DCAF12L1: variants seen among roughly 807,000 people sequenced by gnomAD.
DCAF12L1 encodes DDB1 and CUL4 associated factor 12 like 1, also known as DDB1- and CUL4-associated factor 12-like protein 1.
For synonymous variants in DCAF12L1, 218 were observed against 196.4 expected, an observed-to-expected ratio of 1.11 and a Z score of -0.92; for missense variants, 251 against 409.2, an observed-to-expected ratio of 0.61 and a Z score of 3.34.
rs372305513 is a variant in DCAF12L1, at chrX:126,551,574, A to G, written c.1035T>C (p.Cys345=). ...RQDQQNIRPL[C]SREGGTGVRS... ...GCACGCCTGTGCCACCCTCTCGAGA[A>G]CACAGGGGCCGGATGTTCTGCTGGT... The change falls in exon 1 of 2, where the codon TGT becomes TGC. Residue 345 remains cysteine, a synonymous_variant. Transcript: ENST00000371126. The G allele has an allele frequency of 2.3e-5, 28 of 1,209,705 alleles. No individual in the cohort carries two copies. The Admixed American group carries it at 2.4e-4, about 10-fold the overall frequency.
rs2147231089 is a variant in DCAF12L1, at chrX:126,552,670, G to C, written c.-62C>G. The C allele has an allele frequency of 8.6e-7, 1 of 1,169,534 alleles. No individual in the cohort carries two copies. The highest frequency in any genetic ancestry group is 1.9e-5 in the South Asian group (1 of 51,727). ...GTGGCGGTTGCAGCGCGTGGCTCCG[G>C]AGTCGGTCGTGGCGGCGGCGTGGAT... On this transcript the variant is annotated 5_prime_UTR_variant, in exon 1 of 2. Coordinates refer to ENST00000371126, the MANE Select transcript of DCAF12L1 (RefSeq NM_178470.5).
chrX:126,552,463 C>CTAT lies in DCAF12L1; in HGVS notation c.145_146insATA (p.Arg49delinsHisSer). 1 of 1,210,569 alleles carries CTAT rather than the reference C, an allele frequency of 8.3e-7. No homozygotes were observed. Among genetic ancestry groups the CTAT allele is most frequent in the East Asian group, 3.0e-5 (1 of 33,800 alleles). ...AACCTTCAGATAGTGCGCCATCGAG[C>CTAT]GATACGTCGCCGGCCGCCTCTGCCT... On this transcript the variant is annotated protein_altering_variant, in exon 1 of 2. Coordinates refer to ENST00000371126, the MANE Select transcript of DCAF12L1 (RefSeq NM_178470.5).
chrX:126,549,918 C>G lies in DCAF12L1; in HGVS notation c.*1212G>C, dbSNP rs775398056. The G allele has an allele frequency of 3.5e-4, 39 of 112,282 alleles. No individual in the cohort carries two copies. The highest frequency in any genetic ancestry group is 1.2e-3 in the African/African-American group (37 of 30,954). The allele number at this position is 112,282 out of a possible 1,213,427, so 9.3% of individuals were successfully genotyped here. On this transcript the variant is annotated 3_prime_UTR_variant, in exon 2 of 2. Transcript: ENST00000371126. ...ATAGCAGTCCACAATTTATATTTAT[C>G]TGCGCTCCAATATACTTTTCTTCAA...
Position 126,552,579 on chromosome X carries a change from T to C in DCAF12L1, c.30A>G (p.Lys10=), listed in dbSNP as rs781325028. The C allele has an allele frequency of 1.7e-6, 2 of 1,206,889 alleles. No homozygotes were observed. Among genetic ancestry groups the C allele is most frequent in the Admixed American group, 2.2e-5 (1 of 46,041 alleles). MAQQQTGSR[K]RKAPAVEADA... ...CCGCCTCGACCGCGGGCGCTTTCCG[T>C]TTCCTGCTACCTGTTTGCTGCTGGG... Residue 10 remains lysine, a synonymous_variant, in exon 1 of 2, where the codon AAA becomes AAG. Transcript: ENST00000371126.
chrX:126,552,732 C>T lies in DCAF12L1; in HGVS notation c.-124G>A. 1 of 1,043,996 alleles carries T rather than the reference C, an allele frequency of 9.6e-7. No individual in the cohort carries two copies. Among genetic ancestry groups the T allele is most frequent in the Non-Finnish European group, 1.3e-6 (1 of 796,471 alleles). 86.0% of individuals were successfully genotyped at this position (1,043,996 alleles called of 1,213,427 possible). ...AACCGAGCCTTCGGATTCTGAGGCG[C>T]GGCAGTGGCGGACCGGGTGAGGGAC... On this transcript the variant is annotated 5_prime_UTR_variant, in exon 1 of 2. Transcript: ENST00000371126.
Position 126,552,675 on chromosome X carries a change from G to T in DCAF12L1, c.-67C>A. 8.6e-7 allele frequency: 1 copy of T among 1,160,886 alleles called. No individual in the cohort carries two copies. The highest frequency in any genetic ancestry group is 1.1e-6 in the Non-Finnish European group (1 of 875,985). On this transcript the variant is annotated 5_prime_UTR_variant, in exon 1 of 2. Coordinates refer to ENST00000371126, the MANE Select transcript of DCAF12L1 (RefSeq NM_178470.5). ...GGTTGCAGCGCGTGGCTCCGGAGTC[G>T]GTCGTGGCGGCGGCGTGGATGGCTG...
rs1569420687 is a variant in DCAF12L1 at position 126,551,708 on chromosome X, T to C, written c.901A>G (p.Ile301Val). The change falls in exon 1 of 2, where the codon ATC becomes GTC. Residue 301 changes from isoleucine (I) to valine (V), a missense_variant. Coordinates refer to ENST00000371126, the MANE Select transcript of DCAF12L1 (RefSeq NM_178470.5). ...TTATCCCGGAAGTAGGGCAGCCTGA[T>C]GGACAGCAGCCTGGATAGTGCGCTC... Reference protein sequence around the residue: ...AGSALSRLLSIRLPYFRDNVC... With the variant: ...AGSALSRLLSVRLPYFRDNVC... 7 of 1,210,806 alleles carry C rather than the reference T, an allele frequency of 5.8e-6. No homozygotes were observed. The highest frequency in any genetic ancestry group is 7.8e-6 in the Non-Finnish European group (7 of 895,397).
Position 126,551,462 on chromosome X carries a change from G to A in DCAF12L1, c.1147C>T (p.Leu383=). Residue 383 remains leucine, a synonymous_variant, in exon 1 of 2, where the codon CTG becomes TTG. Coordinates refer to ENST00000371126, the MANE Select transcript of DCAF12L1 (RefSeq NM_178470.5). ...LFYDVRAQKF[L]EERASATLES... is the part of the protein sequence containing the mutation. ...AGGGTGGCGGAGGCTCTTTCCTCCA[G>A]GAATTTCTGGGCCCGGACGTCATAG... The A allele has an allele frequency of 1.7e-6, 2 of 1,211,851 alleles. No individual in the cohort carries two copies. The highest frequency in any genetic ancestry group is 2.2e-6 in the Non-Finnish European group (2 of 895,555).
Position 126,551,054 on chromosome X carries a change from G to C in DCAF12L1, c.*76C>G. 3.6e-6 allele frequency: 2 copies of C among 562,629 alleles called. No homozygotes were observed. Among genetic ancestry groups the C allele is most frequent in the South Asian group, 9.7e-5 (2 of 20,588 alleles). 46.4% of individuals were successfully genotyped at this position (562,629 alleles called of 1,213,427 possible). On this transcript the variant is annotated 3_prime_UTR_variant, in exon 2 of 2. Transcript: ENST00000371126. The stretch of plus-strand genomic sequence containing the variant: ...AAAGCCAAGTTTTCATTGACCAAAG[G>C]ACCACTCACTCTCTCTGCTTGGAGG...
rs1297163487 is a variant in DCAF12L1, at chrX:126,552,753, G to T, written c.-145C>A. ...GGCGCGGCAGTGGCGGACCGGGTGA[G>T]GGACGCGCGGGAGAGGGCGGCGGTG... On this transcript the variant is annotated 5_prime_UTR_variant, in exon 1 of 2. Coordinates refer to ENST00000371126, the MANE Select transcript of DCAF12L1 (RefSeq NM_178470.5). The T allele has an allele frequency of 2.1e-6, 2 of 957,870 alleles. No individual in the cohort carries two copies. The allele number at this position is 957,870 out of a possible 1,213,427, so 78.9% of individuals were successfully genotyped here.
At position 126,551,757 on chromosome X, in the gene DCAF12L1, G is replaced by C. The variant is rs1326347434; in HGVS notation, c.852C>G (p.Gly284=). The C allele has an allele frequency of 2.5e-6, 3 of 1,212,204 alleles. No individual in the cohort carries two copies. The African/African-American group carries it at 5.2e-5, about 21-fold the overall frequency. The change falls in exon 1 of 2, where the codon GGC becomes GGG. Residue 284 remains glycine (G), a synonymous_variant. Transcript: ENST00000371126. ...TCCCGGCTTTCCACAGGTGGAAGTAGCCGTCCAAGGACACCGCTCCCAGTT... is the reference window on the plus strand; with the variant it reads ...TCCCGGCTTTCCACAGGTGGAAGTACCCGTCCAAGGACACCGCTCCCAGTT... The part of the protein sequence containing the change: ...NQELGAVSLD[G]YFHLWKAGSA...
rs944370957 is a variant in DCAF12L1 at position 126,550,985 on chromosome X, T to A, written c.*145A>T. ...TAACGATTAACCAAATTTCTTTGTA[T>A]GAAAATTCCAAAAGATGGTGTTGGA... is the stretch of plus-strand genomic sequence containing the variant. On this transcript the variant is annotated 3_prime_UTR_variant, in exon 2 of 2. Transcript: ENST00000371126. The A allele has an allele frequency of 5.8e-6, 2 of 346,605 alleles. No homozygotes were observed. The highest frequency in any genetic ancestry group is 9.8e-6 in the Non-Finnish European group (2 of 204,423). The allele number at this position is 346,605 out of a possible 1,213,427, so 28.6% of individuals were successfully genotyped here. A position where few individuals can be genotyped will look rare whatever the true frequency, so the allele number is the denominator to read the frequency against.
chrX:126,551,206 G>A lies in DCAF12L1; in HGVS notation c.*11C>T. On this transcript the variant is annotated 3_prime_UTR_variant, in exon 1 of 2. Coordinates refer to ENST00000371126, the MANE Select transcript of DCAF12L1 (RefSeq NM_178470.5). ...GTAAATCTGTGTACCTGGAGTACAA[G>A]GCGGTCATCCTTAGCTCCAGAGGCC... 1 of 1,195,159 alleles carries A rather than the reference G, an allele frequency of 8.4e-7. No individual in the cohort carries two copies. Among genetic ancestry groups the A allele is most frequent in the Non-Finnish European group, 1.1e-6 (1 of 887,869 alleles).
In DCAF12L1 at chrX:126,552,182, G is replaced by A. The variant is rs1313446839; in HGVS notation, c.427C>T (p.Leu143=). 1 of 1,212,676 alleles carries A rather than the reference G, an allele frequency of 8.2e-7. No individual in the cohort carries two copies. The highest frequency in any genetic ancestry group is 1.1e-6 in the Non-Finnish European group (1 of 895,706). The part of the protein sequence containing the change: ...IPLLRDSEAR[L]AQDQQGCGIH... ...CCGCAGCCCTGTTGGTCCTGGGCCA[G>A]CCTGGCCTCACTGTCCCGCAAGAGG... is the stretch of plus-strand genomic sequence containing the variant. The change falls in exon 1 of 2, where the codon CTG becomes TTG. Residue 143 remains leucine (L), a synonymous_variant. Coordinates refer to ENST00000371126, the MANE Select transcript of DCAF12L1 (RefSeq NM_178470.5).
In DCAF12L1 at chrX:126,549,926, C is replaced by T. The variant is rs1473538208; in HGVS notation, c.*1204G>A. On this transcript the variant is annotated 3_prime_UTR_variant, in exon 2 of 2. Coordinates refer to ENST00000371126, the MANE Select transcript of DCAF12L1 (RefSeq NM_178470.5). ...CCACAATTTATATTTATCTGCGCTC[C>T]AATATACTTTTCTTCAACCTCATCC... 8.9e-6 allele frequency: 1 copy of T among 112,184 alleles called. No individual in the cohort carries two copies. The highest frequency in any genetic ancestry group is 1.9e-5 in the Non-Finnish European group (1 of 53,243). The allele number at this position is 112,184 out of a possible 1,213,427, so 9.2% of individuals were successfully genotyped here.
In DCAF12L1 at chrX:126,552,206, G is replaced by C. The variant is rs148550538; in HGVS notation, c.403C>G (p.Leu135Val). Residue 135 changes from leucine (L) to valine (V), a missense_variant, in exon 1 of 2, where the codon CTC becomes GTC. By Grantham distance (32) the Leu-to-Val change is conservative (BLOSUM62 1). Transcript: ENST00000371126. ...AGCCTGGCCTCACTGTCCCGCAAGA[G>C]GGGAATGCGCGCGATGTGGCCTGAC... The part of the protein sequence containing the change: ...VESGHIARIP[L>V]LRDSEARLAQ... 1.6e-5 allele frequency: 19 copies of C among 1,211,679 alleles called. No individual in the cohort carries two copies. The highest frequency in any genetic ancestry group is 1.8e-5 in the Non-Finnish European group (16 of 895,536).
chrX:126,551,344 C>G lies in DCAF12L1; in HGVS notation c.1265G>C (p.Gly422Ala), dbSNP rs778998233. ...CGCATTGGGAAACACTTCCATGCCA[C>G]CAAAGTAATTCACCCAGAAATCATT... ...NHNDFWVNYF[G>A]GMEVFPNALY... Residue 422 changes from glycine to alanine, a missense_variant, in exon 1 of 2, where the codon GGT becomes GCT. Transcript: ENST00000371126. The G allele has an allele frequency of 3.3e-6, 4 of 1,209,276 alleles. No individual in the cohort carries two copies. The highest frequency in any genetic ancestry group is 4.5e-6 in the Non-Finnish European group (4 of 894,560).
In DCAF12L1 at chrX:126,552,236, C is replaced by A. The variant is rs769832852; in HGVS notation, c.373G>T (p.Val125Leu). The A allele has an allele frequency of 8.2e-7, 1 of 1,212,523 alleles. No individual in the cohort carries two copies. Among genetic ancestry groups the A allele is most frequent in the Non-Finnish European group, 1.1e-6 (1 of 895,653 alleles). ...TKCNTLFVVD[V>L]ESGHIARIPL... is the part of the protein sequence containing the mutation. ...ATGCGCGCGATGTGGCCTGACTCCA[C>A]GTCCACCACGAAAAGCGTGTTACAC... is the stretch of plus-strand genomic sequence containing the variant. Residue 125 changes from valine (V) to leucine (L), a missense_variant, in exon 1 of 2, where the codon GTG becomes TTG. Physicochemically the swap from Val to Leu is conservative, Grantham distance 32. Coordinates refer to ENST00000371126, the MANE Select transcript of DCAF12L1 (RefSeq NM_178470.5).
At position 126,550,552 on chromosome X, in the gene DCAF12L1, T is replaced by G. The variant is rs1927444403; in HGVS notation, c.*578A>C. On this transcript the variant is annotated 3_prime_UTR_variant, in exon 2 of 2. Coordinates refer to ENST00000371126, the MANE Select transcript of DCAF12L1 (RefSeq NM_178470.5). ...GCACTCCTAAAGTGTTCCGACCAAT[T>G]AGGAGTTTGATACAAGCACAAGATT... 8.9e-6 allele frequency: 1 copy of G among 112,439 alleles called. No homozygotes were observed. Among genetic ancestry groups the G allele is most frequent in the African/African-American group, 3.2e-5 (1 of 30,856 alleles). The allele number at this position is 112,439 out of a possible 1,213,427, so 9.3% of individuals were successfully genotyped here.
Sources: allele counts gnomAD v4.1 joint callset, GRCh38; gene constraint gnomAD v4.1.1; transcripts MANE v1.5; gene names NCBI Gene and HGNC (gene_info 2026-07-23, HGNC 2026-07-21).